Variants in ACTR3C observed in about 807,000 individuals in gnomAD.
ACTR3C encodes the protein actin related protein 3C, also known as actin-related protein 3C.
Under a neutral mutation model 26.3 loss-of-function variants are expected in ACTR3C, and 18 were observed. The observed-to-expected ratio is 0.68, with a 90% CI of 0.47 to 1.01. The LOEUF (loss-of-function observed/expected upper bound fraction) is 1.01. Ranked by LOEUF, ACTR3C falls within the 50% of genes least tolerant of loss-of-function variation. The probability of loss-of-function intolerance (pLI) is 0.00; values close to 1 mark genes in which losing one functional copy is unlikely to be tolerated. For synonymous variants in ACTR3C, 55 were observed against 94.5 expected, an observed-to-expected ratio of 0.58 and a Z score of 2.42; for missense variants, 184 against 250.7, an observed-to-expected ratio of 0.73 and a Z score of 1.80.
At chr7:150,047,931 C>T in the ACTR3C span, 22 of 1,265,834 alleles carry the variant, frequency 1.7e-5, no homozygotes, top group Non-Finnish European at 2.2e-5. Context: ...CTCCCCACCC[C>T]GCTCCAGATT....
At chr7:150,013,475 T>C in the ACTR3C span, among the ~76,000 whole-genome samples, 1 of 152,220 alleles carries the variant, frequency 6.6e-6, no homozygotes, top group African/African-American at 2.4e-5. Context: ...AGGAAGAACA[T>C]GGAAATATCC....
intron 1 of ACTR3C, among the ~76,000 whole-genome samples, chr7:150,303,858 C>A (rs1376087453): frequency 6.6e-6 from 1 of 152,176 alleles, no homozygotes; most frequent in African/African-American, 2.4e-5. Flanking sequence ...AATATAGAAG[C>A]ATATGATCAA....
At chr7:150,082,934 C>CTTTTTTTTTTTTT in the ACTR3C span, among the ~76,000 whole-genome samples, 7 of 104,954 alleles carry the variant, frequency 6.7e-5, no homozygotes, top group Non-Finnish European at 7.7e-5. Flanking sequence ...TCTTTTTTTT[C>CTTTTTTTTTTTTT]TTTTTTTTTT....
the ACTR3C span, among the ~76,000 whole-genome samples, chr7:150,169,402 AAAAGAAG>A: frequency 6.7e-6 from 1 of 148,954 alleles, no homozygotes; most frequent in African/African-American, 2.6e-5. Context: ...AAAAAAAAAA[AAAAGAAG>A]AAGAAGATGG....
At chr7:150,090,744 AT>A in the ACTR3C span, among the ~76,000 whole-genome samples, 1 of 151,062 alleles carries the variant, frequency 6.6e-6, no homozygotes, top group Non-Finnish European at 1.5e-5. Flanking sequence ...TGTAAGATAC[AT>A]AAGTTGGATG....
At chr7:150,148,190 A>T in the ACTR3C span, among the ~76,000 whole-genome samples, 1 of 151,942 alleles carries the variant, frequency 6.6e-6, no homozygotes, top group Non-Finnish European at 1.5e-5. Flanking sequence ...GGGGAAAAAA[A>T]AAAAAAGGCC....
At chr7:150,136,903 T>C in the ACTR3C span, among the ~76,000 whole-genome samples, 3 of 152,150 alleles carry the variant, frequency 2.0e-5, no homozygotes, top group African/African-American at 4.8e-5. Flanking sequence ...AGTTTGTCCA[T>C]GGATGGGACA....
the ACTR3C span, among the ~76,000 whole-genome samples, chr7:150,008,784 TCAGG>T: frequency 9.5e-3 from 1,441 of 151,156 alleles, 13 homozygotes; most frequent in African/African-American, 0.033. Flanking sequence ...GGCAGGAACT[TCAGG>T]GCTTCCAAAC....
chr7:150,031,463 C>T, the ACTR3C span, among the ~76,000 whole-genome samples: 1 of 152,050 alleles, frequency 6.6e-6, no homozygotes, highest in Non-Finnish European at 1.5e-5. Flanking sequence ...CCTCCTGAAG[C>T]CCTCATGCAG....
chr7:150,073,023 C>T, the ACTR3C span, among the ~76,000 whole-genome samples: 3 of 152,148 alleles, frequency 2.0e-5, no homozygotes, highest in Non-Finnish European at 2.9e-5. Flanking sequence ...GGAGTGGCAT[C>T]GACTATTTAA....
the ACTR3C span, among the ~76,000 whole-genome samples, chr7:150,029,143 C>T: frequency 6.6e-6 from 1 of 152,050 alleles, no homozygotes; most frequent in Non-Finnish European, 1.5e-5. Flanking sequence ...CCTCCTCCCA[C>T]AGTGGCCTGT....
At chr7:150,322,720 T>G (rs930052153) in intron 1 of ACTR3C, 1 of 152,250 alleles carries the variant, frequency 6.6e-6, no homozygotes. Flanking sequence ...TTCTTTGCTT[T>G]CTTAATAAAC....
At chr7:150,042,007 C>G in the ACTR3C span, among the ~76,000 whole-genome samples, 1 of 141,590 alleles carries the variant, frequency 7.1e-6, no homozygotes, top group Non-Finnish European at 1.6e-5. Context: ...ACCCACAGTC[C>G]TCCAGGTGGG....
At chr7:149,960,386 C>T in the ACTR3C span, among the ~76,000 whole-genome samples, 2 of 152,070 alleles carry the variant, frequency 1.3e-5, no homozygotes, top group South Asian at 2.1e-4. Flanking sequence ...AAATGCACCG[C>T]GCACCTTTTC....
chr7:150,144,942 A>G, the ACTR3C span, among the ~76,000 whole-genome samples: 1 of 150,828 alleles, frequency 6.6e-6, no homozygotes, highest in Non-Finnish European at 1.5e-5. The surrounding 1 kb of genome is among the most constrained non-coding windows in gnomAD (Gnocchi z 4.6). Context: ...CCCAGCTACT[A>G]GGACGGCTGA....
At chr7:150,030,753 C>T in the ACTR3C span, among the ~76,000 whole-genome samples, 161 of 152,232 alleles carry the variant, frequency 1.1e-3, 3 homozygotes, top group African/African-American at 3.8e-3. Flanking sequence ...CCACACACCC[C>T]TCCCACCACT....
the ACTR3C span, among the ~76,000 whole-genome samples, chr7:150,123,748 T>C: frequency 3.9e-5 from 6 of 152,244 alleles, no homozygotes; most frequent in Middle Eastern, 6.8e-3. Context: ...TTAAGGCTCT[T>C]TGGTGACATG....
the ACTR3C span, among the ~76,000 whole-genome samples, chr7:149,984,924 A>T: frequency 6.6e-6 from 1 of 152,190 alleles, no homozygotes; most frequent in Non-Finnish European, 1.5e-5. Flanking sequence ...AAATTTAAAA[A>T]TTAGGAATAT....
At chr7:150,037,143 G>A in the ACTR3C span, among the ~76,000 whole-genome samples, 43 of 47,524 alleles carry the variant, frequency 9.0e-4, no homozygotes, top group Non-Finnish European at 1.1e-3. Flanking sequence ...TCCCTGCCTC[G>A]TGGGGGGTGC....
Sources: allele counts gnomAD v4.1 joint callset (sites outside exome capture counted in the v4.1 genomes callset), GRCh38; gene constraint gnomAD v4.1.1; non-coding constraint Gnocchi (gnomAD v3.1); transcripts MANE v1.5; gene names NCBI Gene and HGNC (gene_info 2026-07-23, HGNC 2026-07-21).